IQGAP2: variants seen among roughly 807,000 people sequenced by gnomAD.
The protein encoded by IQGAP2 is ras GTPase-activating-like protein IQGAP2.
Under a neutral mutation model 201.3 loss-of-function variants are expected in IQGAP2, and 173 were observed. The ratio of observed to expected loss-of-function variants is 0.86; its 90% CI spans 0.76 to 0.98. The LOEUF (loss-of-function observed/expected upper bound fraction) is 0.98. Ranked by LOEUF, IQGAP2 falls within the 50% of genes least tolerant of loss-of-function variation. The pLI is 0.00. For synonymous variants in IQGAP2, 675 were observed against 673.9 expected (o/e 1.00, Z -0.03); for missense variants, 1,687 against 1,864.8 (o/e 0.90, Z 1.76).
At chr5:76,465,734 G>A (rs1754736821) in intron 2 of IQGAP2, among the ~76,000 whole-genome samples, 1 of 152,092 alleles carries the variant, frequency 6.6e-6, no homozygotes, top group Admixed American at 6.5e-5. Context: ...GGCATTTCTT[G>A]ACACGAGCAA....
At chr5:76,559,180 C>T (rs1744160661) in intron 2 of IQGAP2, among the ~76,000 whole-genome samples, 1 of 152,202 alleles carries the variant, frequency 6.6e-6, no homozygotes, top group Non-Finnish European at 1.5e-5. Context: ...GGATTACAGG[C>T]GTGAGCCACC....
chr5:76,704,150 C>T, intron 35 of IQGAP2, among the ~76,000 whole-genome samples: 1 of 152,236 alleles, frequency 6.6e-6, no homozygotes, highest in South Asian at 2.1e-4. Context: ...TAAATGTATC[C>T]ATTTAATAAT....
chr5:76,590,989 C>T (rs1057087873), intron 8 of IQGAP2, among the ~76,000 whole-genome samples: 10 of 151,880 alleles, frequency 6.6e-5, no homozygotes, highest in Non-Finnish European at 8.8e-5. Flanking sequence ...CCCAACTACT[C>T]GGGAGGCTGA....
chr5:76,604,185 C>T (rs990191599), intron 11 of IQGAP2, among the ~76,000 whole-genome samples: 1 of 152,000 alleles, frequency 6.6e-6, no homozygotes, highest in Non-Finnish European at 1.5e-5. Context: ...CCTGTGACCA[C>T]ATGTTCTCAT....
chr5:76,426,637 A>C (rs1752014802), intron 1 of IQGAP2, among the ~76,000 whole-genome samples: 1 of 152,162 alleles, frequency 6.6e-6, no homozygotes, highest in South Asian at 2.1e-4. Flanking sequence ...TGTGTTGTAA[A>C]GGAACTGGTC....
At chr5:76,435,005 G>A (rs867225832) in intron 1 of IQGAP2, among the ~76,000 whole-genome samples, 22 of 151,220 alleles carry the variant, frequency 1.5e-4, no homozygotes, top group African/African-American at 4.4e-4. Flanking sequence ...ATTTTCTTTT[G>A]AGAAATGTCT....
In IQGAP2 at chr5:76,417,375, C is replaced by T. The variant is rs60100978; in HGVS notation, c.46+13784C>T. ...CGGGATCTCTGCTTACTGCAATCTCCGCCTCCCGGGTTCAAGTGATTCTCC... is the reference window on the plus strand; with the variant it reads ...CGGGATCTCTGCTTACTGCAATCTCTGCCTCCCGGGTTCAAGTGATTCTCC... On this transcript the variant is annotated intron_variant, in intron 1 of 35. Transcript: ENST00000274364. 2.9e-3 allele frequency among the ~76,000 whole-genome samples: 439 copies of T among 152,256 alleles called. 5 individuals carry two copies. The highest frequency in any genetic ancestry group is 0.01 in the African/African-American group (425 of 41,530).
chr5:76,562,280 T>C, intron 2 of IQGAP2, 116 bp from the exon 3 acceptor site: 2 of 714,890 alleles, frequency 2.8e-6, no homozygotes, highest in South Asian at 4.0e-5. Context: ...CACCGAAAGA[T>C]GTTTCAGATC....
At chr5:76,603,153 A>G (rs981772573) in intron 11 of IQGAP2, among the ~76,000 whole-genome samples, 1 of 152,130 alleles carries the variant, frequency 6.6e-6, no homozygotes, top group African/African-American at 2.4e-5. Flanking sequence ...GCCAAGTCCA[A>G]GTGTACTTTC....
At chr5:76,632,120 C>A (rs1321094044) in intron 15 of IQGAP2, 94 bp downstream of exon 15, 7 of 1,021,476 alleles carry the variant, frequency 6.9e-6, no homozygotes, top group Non-Finnish European at 9.5e-6. Flanking sequence ...GTAATGCTTT[C>A]AAATTAACAT....
At chr5:76,520,290 T>C (rs563337979) in intron 2 of IQGAP2, among the ~76,000 whole-genome samples, 40 of 152,354 alleles carry the variant, frequency 2.6e-4, no homozygotes, top group African/African-American at 8.4e-4. Flanking sequence ...AGACTACTCC[T>C]TCTCCATTGA....
At chr5:76,470,650 A>T (rs776955849) in intron 2 of IQGAP2, among the ~76,000 whole-genome samples, 24 of 152,218 alleles carry the variant, frequency 1.6e-4, no homozygotes, top group Middle Eastern at 3.4e-3. Context: ...GGCTCAAACA[A>T]TCCTCCAGCT....
intron 35 of IQGAP2, among the ~76,000 whole-genome samples, chr5:76,704,098 T>C (rs1747669249): frequency 6.6e-6 from 1 of 152,232 alleles, no homozygotes; most frequent in African/African-American, 2.4e-5. Context: ...GAAAGTATAA[T>C]TAAGTAAACA....
chr5:76,488,479 C>T (rs1286238319), intron 2 of IQGAP2, among the ~76,000 whole-genome samples: 1 of 152,090 alleles, frequency 6.6e-6, no homozygotes, highest in Non-Finnish European at 1.5e-5. Context: ...ATCAAGTTCC[C>T]TGCGAAAGAT....
At chr5:76,683,996 A>G in intron 30 of IQGAP2, 79 bp downstream of exon 30, 3 of 1,276,606 alleles carry the variant, frequency 2.3e-6, no homozygotes, top group Non-Finnish European at 3.2e-6. Flanking sequence ...CTAAATCCCA[A>G]CTAATTTATT....
chr5:76,550,134 CAG>C (rs1398730190), intron 2 of IQGAP2, among the ~76,000 whole-genome samples: 2 of 152,128 alleles, frequency 1.3e-5, no homozygotes, highest in African/African-American at 4.8e-5. Context: ...CCCGTGAAAC[CAG>C]ACAAGTTATT....
intron 2 of IQGAP2, among the ~76,000 whole-genome samples, chr5:76,535,856 GAAACA>G (rs1372261740): frequency 1.3e-5 from 2 of 152,140 alleles, no homozygotes; most frequent in Admixed American, 1.3e-4. Context: ...GAGAATGTCG[GAAACA>G]AAACTGGCAG....
At position 76,484,258 on chromosome 5, in the gene IQGAP2, A is replaced by C. The variant is rs72775782; in HGVS notation, c.146+22589A>C. On this transcript the variant is annotated intron_variant, in intron 2 of 35. Transcript: ENST00000274364. ...CATGTGTTGTGAAGGCTTATGAGGA[A>C]AGTGGCTTTAGTCAGGTGTCAACAC... Among the ~76,000 whole-genome samples, 286 of 152,300 alleles carry C rather than the reference A, an allele frequency of 1.9e-3. 1 individual carries two copies. The highest frequency in any genetic ancestry group is 3.4e-3 in the Middle Eastern group (1 of 292).
chr5:76,484,812 C>T (rs1036090412), intron 2 of IQGAP2, among the ~76,000 whole-genome samples: 7 of 151,694 alleles, frequency 4.6e-5, no homozygotes, highest in African/African-American at 1.5e-4. Context: ...ATTTCTCTCT[C>T]TCTCTCTCTT....
Sources: allele counts gnomAD v4.1 joint callset (sites outside exome capture counted in the v4.1 genomes callset), GRCh38; gene constraint gnomAD v4.1.1; transcripts MANE v1.5; gene names NCBI Gene and HGNC (gene_info 2026-07-23, HGNC 2026-07-21).